Variants in TRIM66 observed in about 807,000 individuals in gnomAD.
TRIM66 encodes the protein tripartite motif-containing protein 66.
TRIM66 carries 99 observed loss-of-function variants against 148.2 expected under a neutral mutation model. That is an observed-to-expected ratio of 0.67 (90% CI 0.57 to 0.79). The LOEUF (loss-of-function observed/expected upper bound fraction) is 0.79, where lower values mean the gene tolerates loss of function less well. TRIM66 is among the 30% of genes least tolerant of loss of function. The pLI is 0.00. For synonymous variants in TRIM66, 616 were observed against 635.9 expected (o/e 0.97, Z 0.47); for missense variants, 1,666 against 1,697.9 (o/e 0.98, Z 0.33).
At position 8,640,327 on chromosome 11, in the gene TRIM66, T is replaced by C. The variant is rs755203684; in HGVS notation, c.2048A>G (p.Lys683Arg). The C allele has an allele frequency of 4.6e-5, 72 of 1,551,500 alleles. No individual in the cohort carries two copies. The change falls in exon 14 of 25, where the codon AAA (lysine) becomes AGA (arginine). Residue 683 changes from lysine to arginine, a missense_variant. Around this residue, in one of 3 missense-constraint regions of TRIM66, gnomAD observed 1,431 missense variants for 1,412.4 expected, o/e 1.01. Coordinates refer to ENST00000646038, the MANE Select transcript of TRIM66 (RefSeq NM_001388022.1). The stretch of plus-strand genomic sequence containing the variant: ...GGTTTGCTGAAGATGCTGAGGAGAT[T>C]TGGTCTGACTCAGTTGCAGGCTGGG... ...QQPSLQLSQT[K>R]SPQHLQQTIV... is the part of the protein sequence containing the mutation.
Position 8,671,873 on chromosome 11 carries a change from A to T in TRIM66, c.253T>A (p.Cys85Ser), listed in dbSNP as rs1307162432. The T allele has an allele frequency of 1.3e-6, 2 of 1,536,128 alleles. No homozygotes were observed. The highest frequency in any genetic ancestry group is 1.7e-6 in the Non-Finnish European group (2 of 1,146,868). ...CAGTCCTTACGGAGCAAATGCTGGC[A>T]GGATAGGAGATGAGAGCCCATACCT... ...LPGMGSHLLS[C>S]QHLLRKDCFQ... The change falls in exon 6 of 25, where the codon TGC becomes AGC. Residue 85 changes from cysteine to serine, a missense_variant. Physicochemically the swap from Cys to Ser is moderately radical, Grantham distance 112. Coordinates refer to ENST00000646038, the MANE Select transcript of TRIM66 (RefSeq NM_001388022.1).
chr11:8,621,664 G>A lies in TRIM66; in HGVS notation c.3236C>T (p.Ser1079Phe), dbSNP rs200589218. The change falls in exon 19 of 25, where the codon TCC (serine) becomes TTC (phenylalanine). Residue 1079 changes from serine to phenylalanine, a missense_variant. By Grantham distance (155) the Ser-to-Phe change is radical. Transcript: ENST00000646038. ...FLLIIECGTE[S>F]SSMSIKVSQD... Reference sequence around the variant, plus strand: ...TGGTACCTTAATGGACATGCTGGAGGACTCAGTGCCACACTCGATGATCAG... The same window carrying A: ...TGGTACCTTAATGGACATGCTGGAGAACTCAGTGCCACACTCGATGATCAG... 1.3e-6 allele frequency: 2 copies of A among 1,540,884 alleles called. No individual in the cohort carries two copies. Among genetic ancestry groups the A allele is most frequent in the Non-Finnish European group, 1.8e-6 (2 of 1,142,760 alleles).
chr11:8,624,259 C>T (rs992507213), intron 17 of TRIM66, 100 bp downstream of exon 17: 7 of 1,344,328 alleles, frequency 5.2e-6, no homozygotes, highest in Non-Finnish European at 7.1e-6. Context: ...CACTGCTTCC[C>T]CAGCTTAGAG....
At chr11:8,666,504 G>GT (rs1371102033) in intron 6 of TRIM66, among the ~76,000 whole-genome samples, 1 of 151,470 alleles carries the variant, frequency 6.6e-6, no homozygotes. Flanking sequence ...AGCACTTTTT[G>GT]TTTTTTTACC....
At chr11:8,679,051 G>A (rs983324613) in intron 3 of TRIM66, 1 of 152,230 alleles carries the variant, frequency 6.6e-6, no homozygotes, top group South Asian at 2.1e-4. Flanking sequence ...CTTCAGAAGA[G>A]ATGTCACAGA....
At position 8,640,644 on chromosome 11, in the gene TRIM66, G is replaced by C. The variant is rs1198195635; in HGVS notation, c.1731C>G (p.Pro577=). 2.6e-6 allele frequency: 4 copies of C among 1,551,692 alleles called. No individual in the cohort carries two copies. Among genetic ancestry groups the C allele is most frequent in the Non-Finnish European group, 3.5e-6 (4 of 1,146,998 alleles). ...GGTGGCCAAACTGGACTTGGATAGA[G>C]GGTGTCTGTAAGGTGGGCTGGGCAT... ...GAHAQPTLQT[P]SIQVQFGHHQ... Residue 577 remains proline, a synonymous_variant, in exon 14 of 25, where the codon CCC becomes CCG. Coordinates refer to ENST00000646038, the MANE Select transcript of TRIM66 (RefSeq NM_001388022.1).
intron 17 of TRIM66, 149 bp downstream of exon 17, chr11:8,624,210 G>T: frequency 1.1e-6 from 1 of 890,660 alleles, no homozygotes; most frequent in Non-Finnish European, 1.7e-6. Context: ...CACTAAGACA[G>T]TTCCGGAGGA....
intron 6 of TRIM66, among the ~76,000 whole-genome samples, chr11:8,655,436 G>T (rs1290231775): frequency 1.3e-5 from 2 of 152,170 alleles, no homozygotes; most frequent in African/African-American, 4.8e-5. Context: ...TAGGAATGCA[G>T]GGGAGTACAA....
chr11:8,618,738 G>A lies in TRIM66; in HGVS notation c.4119+12C>T, dbSNP rs2033913217. On this transcript the variant is annotated intron_variant, in intron 24 of 24. Transcript: ENST00000646038. ...ACCGCCCACCTGCTGCTGGCTGGCA[G>A]TAACTCTTTACCATATGTCGTCGCC... is the stretch of plus-strand genomic sequence containing the variant. The A allele has an allele frequency of 3.9e-6, 6 of 1,548,000 alleles. No homozygotes were observed. The highest frequency in any genetic ancestry group is 5.2e-6 in the Non-Finnish European group (6 of 1,146,330).
chr11:8,620,363 T>C, intron 21 of TRIM66, 83 bp downstream of exon 21: 1 of 1,521,866 alleles, frequency 6.6e-7, no homozygotes, highest in Non-Finnish European at 8.9e-7. Flanking sequence ...AAGCCCCTCA[T>C]CCCCTCTCAA....
intron 12 of TRIM66, chr11:8,644,183 C>T (rs937563651): frequency 3.4e-5 from 9 of 264,632 alleles, no homozygotes; most frequent in Non-Finnish European, 5.2e-5. Flanking sequence ...CTTTCATTTA[C>T]AGTCATGATA....
chr11:8,618,080 T>G lies in TRIM66; in HGVS notation c.4120-77A>C, dbSNP rs1047535869. 9 of 1,374,454 alleles carry G rather than the reference T, an allele frequency of 6.5e-6. No individual in the cohort carries two copies. The Admixed American group carries it at 1.8e-4, about 27-fold the overall frequency. 85.1% of individuals were successfully genotyped at this position (1,374,454 alleles called of 1,614,324 possible). On this transcript the variant is annotated intron_variant, in intron 24 of 24. Coordinates refer to ENST00000646038, the MANE Select transcript of TRIM66 (RefSeq NM_001388022.1). ...TAACATGAAAAGGCTATGTCAAGATTGCAGTTCTGCCAAGTCAACGTATTT... is the reference window on the plus strand; with the variant it reads ...TAACATGAAAAGGCTATGTCAAGATGGCAGTTCTGCCAAGTCAACGTATTT...
chr11:8,646,021 G>C, intron 11 of TRIM66, 134 bp from the exon 12 acceptor site: 2 of 847,202 alleles, frequency 2.4e-6, no homozygotes, highest in Non-Finnish European at 3.6e-6. Context: ...CAGCAGGGCA[G>C]AGTGTTGCCA....
chr11:8,646,462 T>G lies in TRIM66; in HGVS notation c.942A>C (p.Leu314=). 1 of 1,552,282 alleles carries G rather than the reference T, an allele frequency of 6.4e-7. No homozygotes were observed. ...MNELNKQANG[L]IEELEGITNE... ...CTATACATACCTCTAATTCCTCTAT[T>G]AGCCCATTGGCCTGTTTGTTCAGCT... The change falls in exon 11 of 25, where the codon CTA becomes CTC. Residue 314 remains leucine (L), a synonymous_variant. Transcript: ENST00000646038.
At chr11:8,654,079 G>A (rs1259569030) in intron 6 of TRIM66, among the ~76,000 whole-genome samples, 1 of 152,194 alleles carries the variant, frequency 6.6e-6, no homozygotes. Context: ...GGTACCAGAT[G>A]CCCAAACATC....
At chr11:8,673,104 A>T (rs2039019392) in intron 4 of TRIM66, among the ~76,000 whole-genome samples, 1 of 151,146 alleles carries the variant, frequency 6.6e-6, no homozygotes, top group Admixed American at 6.6e-5. Flanking sequence ...CGCCCTGGCT[A>T]ATTTTTTTTG....
intron 6 of TRIM66, among the ~76,000 whole-genome samples, chr11:8,666,258 G>A (rs2038585013): frequency 7.0e-6 from 1 of 142,812 alleles, no homozygotes; most frequent in Admixed American, 7.4e-5. Flanking sequence ...AGAATCGCTT[G>A]AACCCGGGAG....
intron 6 of TRIM66, among the ~76,000 whole-genome samples, chr11:8,669,281 T>C (rs1416274371): frequency 6.6e-6 from 1 of 152,194 alleles, no homozygotes; most frequent in Non-Finnish European, 1.5e-5. Flanking sequence ...GCACCATCCT[T>C]CATACTGTCA....
At chr11:8,624,655 C>T in intron 16 of TRIM66, 58 bp downstream of exon 16, 1 of 1,474,848 alleles carries the variant, frequency 6.8e-7, no homozygotes, top group Non-Finnish European at 9.0e-7. Context: ...TCCCAGTGGC[C>T]AATCTTTTGC....
Sources: allele counts gnomAD v4.1 joint callset (sites outside exome capture counted in the v4.1 genomes callset), GRCh38; gene constraint gnomAD v4.1.1; regional missense constraint gnomAD v4.1.1; transcripts MANE v1.5; gene names NCBI Gene and HGNC (gene_info 2026-07-23, HGNC 2026-07-21).